BRAF: variants seen among roughly 807,000 people sequenced by gnomAD.
The protein encoded by BRAF is serine/threonine-protein kinase B-raf.
Under a neutral mutation model 104.6 loss-of-function variants are expected in BRAF, and 16 were observed. That is an observed-to-expected ratio of 0.15 (90% confidence interval 0.10 to 0.23). The LOEUF is 0.23. BRAF is among the 10% of genes least tolerant of loss of function. BRAF has a pLI of 1.00. For synonymous variants in BRAF, 310 were observed against 341.6 expected, an observed-to-expected ratio of 0.91 and a Z score of 1.02; for missense variants, 541 against 937.3, an observed-to-expected ratio of 0.58 and a Z score of 5.52.
At chr7:140,749,238 C>A (rs1292762572) in intron 17 of BRAF, 49 bp downstream of exon 16, 1 of 1,607,156 alleles carries the variant, frequency 6.2e-7, no homozygotes, top group Non-Finnish European at 8.5e-7. Context: ...ACAACTGGAG[C>A]CTTGTATATA....
Position 140,720,920 on chromosome 7 carries a change from G to C in BRAF, c.*5574C>G, listed in dbSNP as rs1313774133. Reference sequence around the variant, plus strand: ...TCACAAATTTTCTGCCAACTCTCCCGCATATGTGCTGTACATGAGAACCAG... The same window carrying C: ...TCACAAATTTTCTGCCAACTCTCCCCCATATGTGCTGTACATGAGAACCAG... On this transcript the variant is annotated 3_prime_UTR_variant, in exon 20 of 20. Coordinates refer to ENST00000644969, the MANE Select transcript of BRAF (RefSeq NM_001374258.1). 1 of 1,065,652 alleles carries C rather than the reference G, an allele frequency of 9.4e-7. No individual in the cohort carries two copies. The allele number at this position is 1,065,652 out of a possible 1,614,324, so 66.0% of individuals were successfully genotyped here. A position where few individuals can be genotyped will look rare whatever the true frequency, so the allele number is the denominator to read the frequency against.
intron 18 of BRAF, 137 bp downstream of exon 17, chr7:140,739,674 CT>C: frequency 2.0e-6 from 2 of 996,692 alleles, no homozygotes; most frequent in Non-Finnish European, 3.0e-6. Context: ...ATGAAGCCAT[CT>C]TAATGTGTTT....
At chr7:140,803,607 T>C (rs1015143478) in intron 5 of BRAF, among the ~76,000 whole-genome samples, 1 of 152,170 alleles carries the variant, frequency 6.6e-6, no homozygotes, top group Non-Finnish European at 1.5e-5. Flanking sequence ...CTTAGAGGAT[T>C]AGAATGTTTG....
At chr7:140,794,204 T>C in intron 8 of BRAF, 104 bp downstream of exon 8, 1 of 1,376,712 alleles carries the variant, frequency 7.3e-7, no homozygotes, top group Non-Finnish European at 1.0e-6. Context: ...ATAACTGTGA[T>C]AAATGAAAAA....
chr7:140,858,756 A>T (rs1172670064), intron 1 of BRAF, among the ~76,000 whole-genome samples: 2 of 152,088 alleles, frequency 1.3e-5, no homozygotes, highest in Non-Finnish European at 2.9e-5. Flanking sequence ...TTCTTAGGAG[A>T]TATACACACA....
At chr7:140,763,454 G>A (rs1391783440) in intron 14 of BRAF, among the ~76,000 whole-genome samples, 1 of 152,184 alleles carries the variant, frequency 6.6e-6, no homozygotes, top group East Asian at 1.9e-4. Flanking sequence ...CAGCTGGCTG[G>A]GCGGGGGGCT....
intron 1 of BRAF, among the ~76,000 whole-genome samples, chr7:140,863,119 T>C (rs960982850): frequency 6.6e-6 from 1 of 151,816 alleles, no homozygotes; most frequent in African/African-American, 2.4e-5. Flanking sequence ...TCTCACAAAA[T>C]TGGAAAAAAG....
Position 140,722,575 on chromosome 7 carries a change from T to TTA in BRAF, c.*3918_*3919insTA. On this transcript the variant is annotated 3_prime_UTR_variant, in exon 20 of 20. Transcript: ENST00000644969. ...GCTATGGTGTTTATAGCCTAATGGT[T>TTA]GGAATCTGCTCGTCTCAAGGTGCTG... 9.5e-7 allele frequency: 1 copy of TTA among 1,055,590 alleles called. No individual in the cohort carries two copies. The highest frequency in any genetic ancestry group is 1.1e-6 in the Non-Finnish European group (1 of 873,166). 65.4% of individuals were successfully genotyped at this position (1,055,590 alleles called of 1,614,324 possible).
intron 1 of BRAF, among the ~76,000 whole-genome samples, chr7:140,907,366 A>G (rs1390557102): frequency 6.6e-6 from 1 of 151,496 alleles, no homozygotes; most frequent in East Asian, 2.0e-4. Context: ...GTTTCACGCC[A>G]TTCTCCTGCC....
chr7:140,758,204 A>T (rs1009162012), intron 14 of BRAF: 2 of 152,182 alleles, frequency 1.3e-5, no homozygotes, highest in Admixed American at 1.3e-4. Flanking sequence ...TTGGGTGACC[A>T]CCTGGACTGG....
chr7:140,734,124 T>C (rs1562930769), intron 19 of BRAF: 3 of 1,053,454 alleles, frequency 2.8e-6, no homozygotes, highest in East Asian at 5.3e-5. Flanking sequence ...AATAATAGAA[T>C]TATTAAATTC....
At chr7:140,873,586 T>C (rs540025390) in intron 1 of BRAF, among the ~76,000 whole-genome samples, 2 of 152,256 alleles carry the variant, frequency 1.3e-5, no homozygotes, top group Admixed American at 6.5e-5. Flanking sequence ...GTGTTGACAA[T>C]TGATTTGGAG....
At chr7:140,759,092 T>C (rs1474139709) in intron 14 of BRAF, among the ~76,000 whole-genome samples, 5 of 152,250 alleles carry the variant, frequency 3.3e-5, no homozygotes, top group African/African-American at 7.2e-5. Flanking sequence ...TTACGGGGTA[T>C]GGGTATATCA....
intron 17 of BRAF, among the ~76,000 whole-genome samples, chr7:140,746,877 T>C (rs1585988697): frequency 7.1e-6 from 1 of 140,838 alleles, no homozygotes; most frequent in South Asian, 2.3e-4. Context: ...CCCAGAGAGG[T>C]AGGTAGACCT....
chr7:140,799,069 G>C (rs1309088804), intron 7 of BRAF: 3 of 180,588 alleles, frequency 1.7e-5, no homozygotes, highest in Non-Finnish European at 3.5e-5. Context: ...GGCCAGGCTG[G>C]TCTCGAACTC....
At position 140,740,288 on chromosome 7, in the gene BRAF, T is replaced by A. The variant is rs188331090; in HGVS notation, c.2113-342A>T. 667 of 213,076 alleles carry A rather than the reference T, an allele frequency of 3.1e-3. 4 individuals are homozygous for A. Among genetic ancestry groups the A allele is most frequent in the African/African-American group, 0.013 (557 of 42,860 alleles). 13.2% of individuals were successfully genotyped at this position (213,076 alleles called of 1,614,324 possible). A position where few individuals can be genotyped will look rare whatever the true frequency, so the allele number is the denominator to read the frequency against. Reference sequence around the variant, plus strand: ...TTCTTTACTTTAAAAAAAAAAAAAATTTATTCAGCACTTCTTGTTGTTGGA... The same window carrying A: ...TTCTTTACTTTAAAAAAAAAAAAAAATTATTCAGCACTTCTTGTTGTTGGA... On this transcript the variant is annotated intron_variant, in intron 17 of 19. Transcript: ENST00000644969.
chr7:140,915,363 G>C (rs1817502008), intron 1 of BRAF, among the ~76,000 whole-genome samples: 1 of 151,404 alleles, frequency 6.6e-6, no homozygotes, highest in Non-Finnish European at 1.5e-5. Context: ...TTAACTTAAA[G>C]GTTACATATT....
At chr7:140,829,893 TTTTG>T (rs1490506549) in intron 3 of BRAF, among the ~76,000 whole-genome samples, 1 of 152,170 alleles carries the variant, frequency 6.6e-6, no homozygotes, top group Non-Finnish European at 1.5e-5. Flanking sequence ...TTCCCTCTAT[TTTTG>T]TTTGCTTCTT....
intron 1 of BRAF, among the ~76,000 whole-genome samples, chr7:140,900,831 G>A (rs547609796): frequency 7.2e-5 from 11 of 152,106 alleles, no homozygotes; most frequent in Non-Finnish European, 1.0e-4. Flanking sequence ...GGCTGGTCTC[G>A]AACTCCTGGC....
Sources: allele counts gnomAD v4.1 joint callset (sites outside exome capture counted in the v4.1 genomes callset), GRCh38; gene constraint gnomAD v4.1.1; transcripts MANE v1.5; gene names NCBI Gene and HGNC (gene_info 2026-07-23, HGNC 2026-07-21).